The following KLF15 variants were observed in gnomAD, a reference collection of about 807,000 sequenced individuals.
KLF15 encodes KLF transcription factor 15, also known as Krueppel-like factor 15.
Under a neutral mutation model 24.6 loss-of-function variants are expected in KLF15, and 4 were observed. That is an observed-to-expected ratio of 0.16 (90% CI 0.08 to 0.37). The LOEUF (loss-of-function observed/expected upper bound fraction) is 0.37. Among genes scored for constraint, KLF15 ranks in the 10% least tolerant of loss-of-function variants. The pLI is 1.00. For synonymous variants in KLF15, 246 were observed against 236.3 expected, an observed-to-expected ratio of 1.04 and a Z score of -0.37; for missense variants, 496 against 560.6, an observed-to-expected ratio of 0.88 and a Z score of 1.16.
chr3:126,341,540 T>C (rs2082479469), downstream of KLF15, among the ~76,000 whole-genome samples: 1 of 152,092 alleles, frequency 6.6e-6, no homozygotes, highest in African/African-American at 2.4e-5. Flanking sequence ...GTACATCCGG[T>C]CAGGGGCAAA....
At chr3:126,341,128 G>C (rs988898851), downstream of KLF15, among the ~76,000 whole-genome samples, 2 of 152,128 alleles carry the variant, frequency 1.3e-5, no homozygotes, top group African/African-American at 2.4e-5. Flanking sequence ...TACTCTCCAC[G>C]ACTCAGCCAA....
chr3:126,349,944 G>T (rs2082569248), intron 2 of KLF15, among the ~76,000 whole-genome samples: 1 of 152,192 alleles, frequency 6.6e-6, no homozygotes, highest in African/African-American at 2.4e-5. Flanking sequence ...CCGTGTATGA[G>T]TTTGTATCCT....
the KLF15 span, among the ~76,000 whole-genome samples, chr3:126,315,670 A>C: frequency 6.6e-6 from 1 of 152,170 alleles, no homozygotes; most frequent in Non-Finnish European, 1.5e-5. Context: ...TCTTAACAGA[A>C]AACTGAGGCT....
At chr3:126,338,622 T>C (rs1576578529), downstream of KLF15, among the ~76,000 whole-genome samples, 1 of 152,354 alleles carries the variant, frequency 6.6e-6, no homozygotes, top group Non-Finnish European at 1.5e-5. Flanking sequence ...AGACTAGTAA[T>C]GTCTTATTAC....
intron 2 of KLF15, among the ~76,000 whole-genome samples, chr3:126,345,663 G>A (rs575082706): frequency 1.6e-4 from 25 of 152,256 alleles, no homozygotes; most frequent in African/African-American, 5.3e-4. Flanking sequence ...GCCACCCAGC[G>A]AGAGGCGGTG....
At chr3:126,323,868 G>T in the KLF15 span, among the ~76,000 whole-genome samples, 1 of 151,802 alleles carries the variant, frequency 6.6e-6, no homozygotes, top group Non-Finnish European at 1.5e-5. Context: ...ATGGCTTCCA[G>T]CTTCTCCATG....
At chr3:126,340,495 C>G (rs1044506409), downstream of KLF15, among the ~76,000 whole-genome samples, 2 of 152,244 alleles carry the variant, frequency 1.3e-5, no homozygotes, top group Non-Finnish European at 1.5e-5. Flanking sequence ...ACCATCTAAG[C>G]AGAGGAAAAT....
the KLF15 span, among the ~76,000 whole-genome samples, chr3:126,308,639 A>G: frequency 2.0e-5 from 3 of 152,176 alleles, no homozygotes; most frequent in Non-Finnish European, 1.5e-5. Flanking sequence ...AAGGCCTCAC[A>G]GGGGCATTTT....
the KLF15 span, among the ~76,000 whole-genome samples, chr3:126,308,456 C>T: frequency 6.6e-6 from 1 of 152,190 alleles, no homozygotes; most frequent in Non-Finnish European, 1.5e-5. Context: ...AGGGGACGAC[C>T]ACCTCATTCC....
At chr3:126,346,786 G>C (rs746797801) in intron 2 of KLF15, among the ~76,000 whole-genome samples, 9 of 152,228 alleles carry the variant, frequency 5.9e-5, no homozygotes, top group Non-Finnish European at 1.3e-4. Flanking sequence ...GGGGACTACA[G>C]TGGGGGATGT....
At chr3:126,298,114 AT>A in the KLF15 span, among the ~76,000 whole-genome samples, 1 of 150,084 alleles carries the variant, frequency 6.7e-6, no homozygotes, top group African/African-American at 2.5e-5. Flanking sequence ...AACATCTATT[AT>A]TTTTTTATTT....
chr3:126,345,260 A>G (rs2107551823), intron 2 of KLF15, among the ~76,000 whole-genome samples: 1 of 151,948 alleles, frequency 6.6e-6, no homozygotes, highest in African/African-American at 2.4e-5. Context: ...ATTTTAAATT[A>G]TCTTCAACTT....
At chr3:126,307,181 C>T in the KLF15 span, among the ~76,000 whole-genome samples, 2 of 152,172 alleles carry the variant, frequency 1.3e-5, no homozygotes, top group Non-Finnish European at 2.9e-5. Flanking sequence ...CACCACACAC[C>T]GCCTGAGCAG....
Position 126,351,863 on chromosome 3 carries a change from T to C in KLF15, c.1060A>G (p.Thr354Ala), listed in dbSNP as rs752242228. Residue 354 changes from threonine (T) to alanine (A), a missense_variant, in exon 2 of 3, where the codon ACC becomes GCC. This residue lies in a region of KLF15 where 59 missense variants were observed against 106.1 expected (regional missense o/e 0.56). Transcript: ENST00000296233. ...GACCTCCAGCCGCAGCCTGGCCAGG[T>C]GCAGGCGAAGGGCTTCTCACCCGTG... The part of the protein sequence containing the change: ...RHTGEKPFAC[T>A]WPGCGWRFSR... 5.6e-6 allele frequency: 9 copies of C among 1,613,788 alleles called. No homozygotes were observed. The highest frequency in any genetic ancestry group is 7.6e-6 in the Non-Finnish European group (9 of 1,179,904).
chr3:126,306,884 G>C, the KLF15 span, among the ~76,000 whole-genome samples: 1 of 152,086 alleles, frequency 6.6e-6, no homozygotes, highest in Non-Finnish European at 1.5e-5. Flanking sequence ...TCTGGCAATG[G>C]TGCCCCTTTC....
the KLF15 span, among the ~76,000 whole-genome samples, chr3:126,336,649 T>C: frequency 5.5e-5 from 2 of 36,336 alleles, no homozygotes; most frequent in Non-Finnish European, 9.2e-5. Context: ...ACCTACAAAA[T>C]GGGAGAAAAT....
At chr3:126,301,353 G>C in the KLF15 span, among the ~76,000 whole-genome samples, 1,433 of 152,254 alleles carry the variant, frequency 9.4e-3, 11 homozygotes, top group Middle Eastern at 0.017. Flanking sequence ...CTCCAGATTG[G>C]ACGGCTTCCC....
chr3:126,305,592 A>G, the KLF15 span, among the ~76,000 whole-genome samples: 1 of 150,826 alleles, frequency 6.6e-6, no homozygotes, highest in Non-Finnish European at 1.5e-5. Context: ...TCCCTTTCAC[A>G]TTTCATTACT....
rs114639004 is a variant in KLF15 at position 126,349,086 on chromosome 3, G to A, written c.1082+2755C>T. The stretch of plus-strand genomic sequence containing the variant: ...CTCCTGACTGCTGTAAGGAGCTGCA[G>A]GGGCTCCCTCTCAGTTGAAGACTAT... On this transcript the variant is annotated intron_variant, in intron 2 of 2. Transcript: ENST00000296233. Among the ~76,000 whole-genome samples, 533 of 152,226 alleles carry A rather than the reference G, an allele frequency of 3.5e-3. 3 individuals carry two copies. The highest frequency in any genetic ancestry group is 3.9e-3 in the Non-Finnish European group (266 of 68,002).
Sources: allele counts gnomAD v4.1 joint callset (sites outside exome capture counted in the v4.1 genomes callset), GRCh38; gene constraint gnomAD v4.1.1; regional missense constraint gnomAD v4.1.1; transcripts MANE v1.5; gene names NCBI Gene and HGNC (gene_info 2026-07-23, HGNC 2026-07-21).